The following ROBO1 variants were observed in gnomAD, a reference collection of about 807,000 sequenced individuals.
ROBO1 encodes roundabout homolog 1.
Under a neutral mutation model 195.9 loss-of-function variants are expected in ROBO1, and 149 were observed. The observed-to-expected ratio is 0.76, with a 90% CI of 0.67 to 0.87. The LOEUF (loss-of-function observed/expected upper bound fraction) is 0.87. Ranked by LOEUF, ROBO1 falls within the 40% of genes least tolerant of loss-of-function variation. The pLI is 0.00. For synonymous variants in ROBO1, 816 were observed against 733.2 expected, an observed-to-expected ratio of 1.11 and a Z score of -1.82; for missense variants, 1,933 against 2,068.3, an observed-to-expected ratio of 0.93 and a Z score of 1.27.
At chr3:79,294,080 A>AAAAAAAG (rs1553714583) in intron 2 of ROBO1, among the ~76,000 whole-genome samples, 2 of 140,042 alleles carry the variant, frequency 1.4e-5, no homozygotes, top group African/African-American at 5.3e-5. Context: ...AAAAAAAAAA[A>AAAAAAAG]AAAGAAAGAA....
chr3:79,551,005 T>C (rs1942489484), intron 2 of ROBO1, among the ~76,000 whole-genome samples: 2 of 152,158 alleles, frequency 1.3e-5, no homozygotes, highest in South Asian at 2.1e-4. Context: ...CCCCTCTTGC[T>C]CTTGCTCAGC....
intron 2 of ROBO1, among the ~76,000 whole-genome samples, chr3:79,195,196 G>GAAT (rs2081612368): frequency 6.6e-6 from 1 of 151,450 alleles, no homozygotes; most frequent in African/African-American, 2.4e-5. Flanking sequence ...AGAAAAATGG[G>GAAT]AATAATAATA....
chr3:79,688,101 C>T (rs1947184537), intron 1 of ROBO1, among the ~76,000 whole-genome samples: 2 of 151,544 alleles, frequency 1.3e-5, no homozygotes, highest in Non-Finnish European at 2.9e-5. Flanking sequence ...CCATCATTCT[C>T]AGCAAACTAT....
intron 4 of ROBO1, among the ~76,000 whole-genome samples, chr3:78,931,304 G>A (rs1264847862): frequency 3.2e-5 from 4 of 124,738 alleles, no homozygotes; most frequent in African/African-American, 9.1e-5. Flanking sequence ...ACAATGGCAC[G>A]ATCTCAGCTC....
chr3:78,799,295 T>G (rs1022996586), intron 4 of ROBO1, among the ~76,000 whole-genome samples: 1 of 151,900 alleles, frequency 6.6e-6, no homozygotes, highest in African/African-American at 2.4e-5. Flanking sequence ...TATGTCCTAC[T>G]CTAGTTTTAG....
intron 4 of ROBO1, among the ~76,000 whole-genome samples, chr3:78,772,277 A>G (rs777736613): frequency 3.3e-5 from 5 of 152,062 alleles, no homozygotes; most frequent in Non-Finnish European, 5.9e-5. Context: ...TATTGCTCTA[A>G]TATTTAACAA....
chr3:78,669,317 A>C (rs2107709353), intron 11 of ROBO1, among the ~76,000 whole-genome samples: 1 of 152,356 alleles, frequency 6.6e-6, no homozygotes, highest in Admixed American at 6.5e-5. Context: ...AAGTCACAAC[A>C]GTCACAAAGC....
chr3:79,136,733 A>G (rs1345892591), intron 2 of ROBO1, among the ~76,000 whole-genome samples: 2 of 152,104 alleles, frequency 1.3e-5, no homozygotes, highest in Non-Finnish European at 1.5e-5. Flanking sequence ...TGCTTTAATC[A>G]TGTATGGCCC....
At chr3:79,376,037 A>AT (rs1193542738) in intron 2 of ROBO1, among the ~76,000 whole-genome samples, 2 of 152,130 alleles carry the variant, frequency 1.3e-5, no homozygotes, top group African/African-American at 4.8e-5. Flanking sequence ...ATTGTACATC[A>AT]TTTCCAATCC....
chr3:79,561,522 C>T (rs545770413), intron 2 of ROBO1, among the ~76,000 whole-genome samples: 1 of 152,128 alleles, frequency 6.6e-6, no homozygotes, highest in Admixed American at 6.6e-5. Flanking sequence ...TAAACGTGGG[C>T]CAAATTATAA....
chr3:79,587,616 A>C (rs1175378964), intron 2 of ROBO1, among the ~76,000 whole-genome samples: 1 of 151,766 alleles, frequency 6.6e-6, no homozygotes, highest in Admixed American at 6.6e-5. Flanking sequence ...GTTGAATAAG[A>C]AATTATGTTT....
intron 2 of ROBO1, among the ~76,000 whole-genome samples, chr3:79,230,836 T>C (rs2082305798): frequency 6.6e-6 from 1 of 152,118 alleles, no homozygotes; most frequent in African/African-American, 2.4e-5. Context: ...AGGGATACAG[T>C]AATGAAAACA....
Position 78,884,652 on chromosome 3 carries a change from G to GA in ROBO1, c.499+53948dup, listed in dbSNP as rs1559961818. 8.7e-3 allele frequency among the ~76,000 whole-genome samples: 426 copies of GA among 49,012 alleles called. 5 individuals are homozygous for GA. The highest frequency in any genetic ancestry group is 0.027 in the African/African-American group (408 of 15,166). 32.2% of individuals were successfully genotyped at this position (49,012 alleles called of 152,430 possible). ...AAGAAAGAGAAAGAAAGAAAGAAAGGAAGGAAGGAAGGAAGGAAGGAAGGA... is the reference window on the plus strand; with the variant it reads ...AAGAAAGAGAAAGAAAGAAAGAAAGGAAAGGAAGGAAGGAAGGAAGGAAGGA... On this transcript the variant is annotated intron_variant, in intron 4 of 30. Transcript: ENST00000464233.
intron 4 of ROBO1, among the ~76,000 whole-genome samples, chr3:78,778,521 T>C (rs1378650895): frequency 2.6e-5 from 4 of 152,086 alleles, no homozygotes; most frequent in African/African-American, 7.2e-5. Flanking sequence ...TCATTCACAA[T>C]TGCTACAAAG....
At chr3:78,886,159 A>G (rs554204835) in intron 4 of ROBO1, among the ~76,000 whole-genome samples, 24 of 151,996 alleles carry the variant, frequency 1.6e-4, no homozygotes, top group Admixed American at 1.2e-3. Flanking sequence ...AGTAATCAAA[A>G]TTATAGTATT....
intron 8 of ROBO1, among the ~76,000 whole-genome samples, chr3:78,703,792 A>G (rs2081478353): frequency 7.0e-6 from 1 of 143,878 alleles, no homozygotes; most frequent in Non-Finnish European, 1.5e-5. Flanking sequence ...TAAATTTAAT[A>G]TATATATTTA....
rs115284514 is a variant in ROBO1, at chr3:78,661,975, A to G, written c.2088+18T>C. ...CAGACGCTTATTAAAACTGAGATCA[A>G]ATATTGTAACAACTCACTGTCCAGT... On this transcript the variant is annotated intron_variant, in intron 15 of 30. Coordinates refer to ENST00000464233, the MANE Select transcript of ROBO1 (RefSeq NM_002941.4). 2.4e-3 allele frequency: 3,920 copies of G among 1,603,070 alleles called. 7 individuals carry two copies. The highest frequency in any genetic ancestry group is 3.0e-3 in the Non-Finnish European group (3,547 of 1,175,598).
intron 3 of ROBO1, among the ~76,000 whole-genome samples, chr3:78,997,540 G>A (rs531706202): frequency 2.4e-4 from 37 of 152,236 alleles, no homozygotes; most frequent in African/African-American, 8.9e-4. Flanking sequence ...AGGAGACACT[G>A]TATTGGGTTC....
intron 2 of ROBO1, among the ~76,000 whole-genome samples, chr3:79,432,724 T>C (rs2038726939): frequency 6.6e-6 from 1 of 152,098 alleles, no homozygotes; most frequent in Non-Finnish European, 1.5e-5. Context: ...CCACTCAGGG[T>C]TCTCATCAGT....
Sources: allele counts gnomAD v4.1 joint callset (sites outside exome capture counted in the v4.1 genomes callset), GRCh38; gene constraint gnomAD v4.1.1; transcripts MANE v1.5; gene names NCBI Gene and HGNC (gene_info 2026-07-23, HGNC 2026-07-21).